ATP2B2: variants seen among roughly 807,000 people sequenced by gnomAD.
The protein encoded by ATP2B2 is ATPase plasma membrane Ca2+ transporting 2.
ATP2B2 carries 15 observed loss-of-function variants against 120.0 expected under a neutral mutation model. The ratio of observed to expected loss-of-function variants is 0.12; its 90% confidence interval spans 0.08 to 0.19. The LOEUF is 0.19. Ranked by LOEUF, ATP2B2 falls within the 10% of genes least tolerant of loss-of-function variation. ATP2B2 has a pLI of 1.00. For synonymous variants in ATP2B2, 694 were observed against 700.3 expected, an observed-to-expected ratio of 0.99 and a Z score of 0.14; for missense variants, 1,045 against 1,719.8, an observed-to-expected ratio of 0.61 and a Z score of 6.94.
intron 2 of ATP2B2, among the ~76,000 whole-genome samples, chr3:10,538,231 C>T (rs1288975620): frequency 6.6e-6 from 1 of 152,136 alleles, no homozygotes; most frequent in African/African-American, 2.4e-5. Context: ...TTTTTAAACA[C>T]TTGGTAAAAT....
rs185164306 is a variant in ATP2B2, at chr3:10,678,466, T to C, written c.-460+29449A>G. On this transcript the variant is annotated intron_variant, in intron 1 of 21. Transcript: ENST00000646379. ...CAAGCAAGCATCTGCTGAGCACTTATTGTGTGTTTGTTTGTGGGGGACCAA... is the reference window on the plus strand; with the variant it reads ...CAAGCAAGCATCTGCTGAGCACTTACTGTGTGTTTGTTTGTGGGGGACCAA... Among the ~76,000 whole-genome samples, 97 of 152,256 alleles carry C rather than the reference T, an allele frequency of 6.4e-4. 1 individual carries two copies. The East Asian group carries it at 0.014, about 23-fold the overall frequency.
chr3:10,611,346 C>T (rs1045371675), intron 2 of ATP2B2, among the ~76,000 whole-genome samples: 6 of 152,118 alleles, frequency 3.9e-5, no homozygotes, highest in Admixed American at 3.3e-4. Context: ...GCATGTTTGG[C>T]GTTGGGGTGT....
chr3:10,551,772 G>T (rs1049138983), intron 2 of ATP2B2, among the ~76,000 whole-genome samples: 1 of 152,126 alleles, frequency 6.6e-6, no homozygotes, highest in Non-Finnish European at 1.5e-5. Flanking sequence ...CCAGTAAAGG[G>T]GAGTCACATC....
chr3:10,348,841 G>T (rs2060499234), intron 16 of ATP2B2, among the ~76,000 whole-genome samples: 1 of 152,202 alleles, frequency 6.6e-6, no homozygotes, highest in Non-Finnish European at 1.5e-5. Flanking sequence ...CCTGTCCTGA[G>T]CAGGGCTGGC....
rs2068102909 is a variant in ATP2B2, at chr3:10,570,601, G to A, written c.-414-36468C>T. On this transcript the variant is annotated intron_variant, in intron 2 of 21. Transcript: ENST00000646379. ...TCCCTCGTAATTAAGGCAGGGTTAAGAAGGTGGATTCCTCACTTTCTCCAG... is the reference window on the plus strand; with the variant it reads ...TCCCTCGTAATTAAGGCAGGGTTAAAAAGGTGGATTCCTCACTTTCTCCAG... 3.3e-5 allele frequency among the ~76,000 whole-genome samples: 5 copies of A among 152,216 alleles called. No individual in the cohort carries two copies. In the South Asian group the frequency reaches 1.0e-3, roughly 32 times the overall value.
At chr3:10,549,737 C>T (rs564457399) in intron 2 of ATP2B2, among the ~76,000 whole-genome samples, 2 of 152,196 alleles carry the variant, frequency 1.3e-5, no homozygotes, top group South Asian at 2.1e-4. Context: ...GCCCTGTGCT[C>T]CCTGCCAGGC....
At chr3:10,394,252 C>T (rs530159259) in intron 5 of ATP2B2, among the ~76,000 whole-genome samples, 2 of 152,202 alleles carry the variant, frequency 1.3e-5, no homozygotes, top group South Asian at 4.2e-4. Flanking sequence ...CTAAACAAAG[C>T]CAAAACGATT....
intron 1 of ATP2B2, among the ~76,000 whole-genome samples, chr3:10,675,196 C>T (rs914418256): frequency 8.5e-5 from 13 of 152,176 alleles, no homozygotes; most frequent in African/African-American, 2.2e-4. Context: ...TGCAGTTTTT[C>T]GAACTGAGCA....
chr3:10,544,896 G>A (rs991340615), intron 2 of ATP2B2, among the ~76,000 whole-genome samples: 2 of 152,116 alleles, frequency 1.3e-5, no homozygotes, highest in East Asian at 3.8e-4. Context: ...TTTTCCTCCT[G>A]TGTTCCTTTA....
At chr3:10,570,270 C>G (rs887517150) in intron 2 of ATP2B2, 1 of 152,220 alleles carries the variant, frequency 6.6e-6, no homozygotes, top group Non-Finnish European at 1.5e-5. Context: ...TTGAACTAGA[C>G]AGGTTCCAAG....
chr3:10,392,087 C>T (rs2061871135), intron 5 of ATP2B2, among the ~76,000 whole-genome samples: 1 of 152,100 alleles, frequency 6.6e-6, no homozygotes, highest in Admixed American at 6.5e-5. Flanking sequence ...CTGAAGTCTC[C>T]TCTGGGGGTG....
intron 12 of ATP2B2, among the ~76,000 whole-genome samples, chr3:10,361,899 G>C (rs945738421): frequency 6.6e-6 from 1 of 152,188 alleles, no homozygotes; most frequent in Non-Finnish European, 1.5e-5. Flanking sequence ...AGAGTGGTGG[G>C]GGAGACTGGT....
intron 7 of ATP2B2, 96 bp from the exon 8 acceptor site, chr3:10,385,423 C>A: frequency 9.5e-7 from 1 of 1,055,314 alleles, no homozygotes; most frequent in Non-Finnish European, 1.4e-6. Context: ...GATAACATGA[C>A]TCTATTCTTA....
intron 2 of ATP2B2, among the ~76,000 whole-genome samples, chr3:10,543,980 C>A (rs1189354034): frequency 2.0e-5 from 3 of 152,192 alleles, no homozygotes; most frequent in African/African-American, 4.8e-5. Context: ...CTCAGGTGAT[C>A]CGCTTGCCTC....
At chr3:10,662,382 A>G (rs1328540059) in intron 1 of ATP2B2, among the ~76,000 whole-genome samples, 1 of 149,284 alleles carries the variant, frequency 6.7e-6, no homozygotes, top group East Asian at 2.0e-4. Flanking sequence ...AAAGAACTCA[A>G]ACAAATTTAC....
chr3:10,646,799 G>T (rs1302196720), intron 1 of ATP2B2, among the ~76,000 whole-genome samples: 2 of 152,160 alleles, frequency 1.3e-5, no homozygotes, highest in Non-Finnish European at 2.9e-5. Flanking sequence ...AGCATCTCCT[G>T]TTTGAGGCGC....
intron 2 of ATP2B2, among the ~76,000 whole-genome samples, chr3:10,565,632 G>A (rs551173982): frequency 6.6e-6 from 1 of 152,262 alleles, no homozygotes; most frequent in African/African-American, 2.4e-5. Context: ...GCTGCCTGAG[G>A]TCTGGGGTCC....
At chr3:10,612,236 T>C (rs1457773644) in intron 2 of ATP2B2, among the ~76,000 whole-genome samples, 1 of 152,156 alleles carries the variant, frequency 6.6e-6, no homozygotes, top group East Asian at 1.9e-4. Flanking sequence ...TCACTCCCTA[T>C]CTCTGCTTCC....
intron 2 of ATP2B2, among the ~76,000 whole-genome samples, chr3:10,588,439 C>T (rs1475320133): frequency 6.6e-6 from 1 of 152,224 alleles, no homozygotes; most frequent in African/African-American, 2.4e-5. Flanking sequence ...TTCCACATCC[C>T]TAGATGCCTT....
Sources: allele counts gnomAD v4.1 joint callset (sites outside exome capture counted in the v4.1 genomes callset), GRCh38; gene constraint gnomAD v4.1.1; transcripts MANE v1.5; gene names NCBI Gene and HGNC (gene_info 2026-07-23, HGNC 2026-07-21).